Variants in DCDC1 observed in about 807,000 individuals in gnomAD.
DCDC1 encodes doublecortin domain containing 1.
A neutral mutation model predicts 178.3 loss-of-function variants in DCDC1; 200 were observed. The ratio of observed to expected loss-of-function variants is 1.12; its 90% confidence interval spans 1.00 to 1.26. The LOEUF is 1.26. Ranked by LOEUF, DCDC1 falls within the 50% of genes most tolerant of loss-of-function variation. The pLI is 0.00. For synonymous variants in DCDC1, 690 were observed against 604.8 expected (o/e 1.14, Z -2.07); for missense variants, 1,983 against 1,749.2 (o/e 1.13, Z -2.38).
In DCDC1 at chr11:31,015,697, TC is replaced by T. The variant is rs377330309; in HGVS notation, c.2591+48771del. 2.3e-3 allele frequency among the ~76,000 whole-genome samples: 348 copies of T among 152,316 alleles called. 1 individual carries two copies. The highest frequency in any genetic ancestry group is 8.2e-3 in the African/African-American group (339 of 41,564). On this transcript the variant is annotated intron_variant, in intron 20 of 38. Transcript: ENST00000684477. ...CGGTTTGGATAGAAGAATGAAGACATCCTTAATACGCTTTGTGATGCTGATT... is the reference window on the plus strand; with the variant it reads ...CGGTTTGGATAGAAGAATGAAGACATCTTAATACGCTTTGTGATGCTGATT...
At chr11:31,366,852 C>T (rs1266645455) in intron 1 of DCDC1, among the ~76,000 whole-genome samples, 1 of 152,154 alleles carries the variant, frequency 6.6e-6, no homozygotes, top group African/African-American at 2.4e-5. Context: ...TATGAGAAAA[C>T]AGGAACTAAG....
Position 31,200,559 on chromosome 11 carries a change from G to A in DCDC1, c.1221+40891C>T, listed in dbSNP as rs1364265039. 3.9e-5 allele frequency among the ~76,000 whole-genome samples: 6 copies of A among 152,086 alleles called. No homozygotes were observed. In the East Asian group the frequency reaches 1.2e-3, roughly 29 times the overall value. On this transcript the variant is annotated intron_variant, in intron 9 of 38. Transcript: ENST00000684477. ...AGTTAAAAAGAAACACAAGTCAATT[G>A]TTAGATCTATAACTAATGTAAAAAT...
intron 6 of DCDC1, among the ~76,000 whole-genome samples, chr11:31,304,550 T>C (rs893135181): frequency 6.6e-6 from 1 of 152,162 alleles, no homozygotes; most frequent in African/African-American, 2.4e-5. Flanking sequence ...AAATTTTCTA[T>C]TGAATTCAAG....
At position 31,365,917 on chromosome 11, in the gene DCDC1, C is replaced by T. The variant is rs1951933942; in HGVS notation, c.-125+3780G>A. Among the ~76,000 whole-genome samples, 4 of 152,142 alleles carry T rather than the reference C, an allele frequency of 2.6e-5. No homozygotes were observed. The South Asian group carries it at 8.3e-4, about 32-fold the overall frequency. ...TTCCAATTCAATTGTTTCTTGCTGT[C>T]ATTTGCTCTCTTTGGAAATTCCTAA... On this transcript the variant is annotated intron_variant, in intron 1 of 38. Transcript: ENST00000684477.
At chr11:31,274,985 C>T (rs1341181517) in intron 7 of DCDC1, among the ~76,000 whole-genome samples, 3 of 152,034 alleles carry the variant, frequency 2.0e-5, no homozygotes, top group Non-Finnish European at 4.4e-5. Flanking sequence ...AGGTGTGAGC[C>T]ACCACACCCG....
intron 18 of DCDC1, among the ~76,000 whole-genome samples, chr11:31,066,971 T>C (rs1956284700): frequency 6.6e-6 from 1 of 152,124 alleles, no homozygotes; most frequent in Non-Finnish European, 1.5e-5. Flanking sequence ...AAGGGATATA[T>C]GGGAACTGCC....
intron 17 of DCDC1, among the ~76,000 whole-genome samples, chr11:31,083,146 C>G (rs534464050): frequency 1.4e-4 from 22 of 152,082 alleles, no homozygotes; most frequent in Non-Finnish European, 2.6e-4. Flanking sequence ...AGTTGTCACT[C>G]CATTTTTAGC....
chr11:30,908,336 C>G (rs1265607344), intron 29 of DCDC1, among the ~76,000 whole-genome samples: 1 of 152,060 alleles, frequency 6.6e-6, no homozygotes, highest in Admixed American at 6.6e-5. Flanking sequence ...TAAACAAACC[C>G]CATTAAGGGG....
intron 30 of DCDC1, among the ~76,000 whole-genome samples, chr11:30,905,994 A>G (rs1380911418): frequency 1.3e-5 from 2 of 152,124 alleles, no homozygotes; most frequent in African/African-American, 4.8e-5. Flanking sequence ...TTACTTCTAC[A>G]GTTGAAAGGG....
chr11:30,955,700 C>A (rs1948735073), intron 20 of DCDC1, among the ~76,000 whole-genome samples: 1 of 152,174 alleles, frequency 6.6e-6, no homozygotes, highest in Non-Finnish European at 1.5e-5. Flanking sequence ...GCATTGATTA[C>A]CTATTTATAC....
chr11:31,336,321 G>A (rs925664366), intron 1 of DCDC1, among the ~76,000 whole-genome samples: 1 of 152,158 alleles, frequency 6.6e-6, no homozygotes, highest in Non-Finnish European at 1.5e-5. Context: ...GTGCCTTAGG[G>A]CAGGCATCCA....
intron 9 of DCDC1, among the ~76,000 whole-genome samples, chr11:31,221,248 A>C (rs1355569547): frequency 6.6e-6 from 1 of 152,186 alleles, no homozygotes; most frequent in Non-Finnish European, 1.5e-5. Context: ...GGTCAGACCC[A>C]AGGTATAATT....
intron 20 of DCDC1, among the ~76,000 whole-genome samples, chr11:30,972,488 G>A (rs1414589099): frequency 2.0e-5 from 3 of 152,052 alleles, no homozygotes; most frequent in Non-Finnish European, 2.9e-5. Context: ...TTGGAAACAA[G>A]AGGATGATAT....
In DCDC1 at chr11:30,905,130, A is replaced by AC. The variant is rs770156905; in HGVS notation, c.4138_4139insG (p.Leu1380ArgfsTer46). Reference sequence around the variant, plus strand: ...CAATAGACGTGCTTGGTAGTAACTTAGAGTTTTTTCAGCCTTGTCACACGA... The same window carrying AC: ...CAATAGACGTGCTTGGTAGTAACTTACGAGTTTTTTCAGCCTTGTCACACGA... On this transcript the variant is annotated frameshift_variant, in exon 31 of 39. Coordinates refer to ENST00000684477, the MANE Select transcript of DCDC1 (RefSeq NM_001387274.1). LOFTEE classifies it high-confidence loss of function. The AC allele has an allele frequency of 6.2e-6, 10 of 1,610,318 alleles. No homozygotes were observed. The East Asian group carries it at 2.2e-4, about 36-fold the overall frequency.
chr11:31,278,651 G>A (rs1224113118), intron 7 of DCDC1, among the ~76,000 whole-genome samples: 2 of 152,018 alleles, frequency 1.3e-5, no homozygotes, highest in Non-Finnish European at 2.9e-5. Context: ...AAATTGCTAA[G>A]AAAGCAGATT....
intron 9 of DCDC1, among the ~76,000 whole-genome samples, chr11:31,198,688 A>G (rs988612834): frequency 3.9e-5 from 6 of 151,936 alleles, no homozygotes; most frequent in African/African-American, 1.4e-4. Flanking sequence ...TTAGCTTATC[A>G]CTAGTCAATT....
chr11:30,922,653 A>G lies in DCDC1; in HGVS notation c.2998-15T>C. The G allele has an allele frequency of 6.6e-7, 1 of 1,517,660 alleles. No individual in the cohort carries two copies. Among genetic ancestry groups the G allele is most frequent in the Non-Finnish European group, 8.8e-7 (1 of 1,140,206 alleles). 94.0% of individuals were successfully genotyped at this position (1,517,660 alleles called of 1,614,324 possible). A position where few individuals can be genotyped will look rare whatever the true frequency, so the allele number is the denominator to read the frequency against. ...GAAACATACACCTATCAAACAAAGC[A>G]TCTCTTATCCTGTATATAATTGTCA... On this transcript the variant is annotated splice_polypyrimidine_tract_variant and intron_variant, in intron 23 of 38. Coordinates refer to ENST00000684477, the MANE Select transcript of DCDC1 (RefSeq NM_001387274.1).
At chr11:31,208,831 A>G (rs1056851191) in intron 9 of DCDC1, among the ~76,000 whole-genome samples, 7 of 152,170 alleles carry the variant, frequency 4.6e-5, no homozygotes, top group Non-Finnish European at 2.9e-5. Context: ...TCATTCAGCT[A>G]TCACCTCCTC....
chr11:31,076,878 A>C (rs1179164960), intron 18 of DCDC1, among the ~76,000 whole-genome samples: 1 of 152,100 alleles, frequency 6.6e-6, no homozygotes, highest in Non-Finnish European at 1.5e-5. Context: ...GGTAGATCAC[A>C]GAGGAACTCA....
Sources: allele counts gnomAD v4.1 joint callset (sites outside exome capture counted in the v4.1 genomes callset), GRCh38; gene constraint gnomAD v4.1.1; transcripts MANE v1.5; gene names NCBI Gene and HGNC (gene_info 2026-07-23, HGNC 2026-07-21).